Variants in RAB2A observed in about 807,000 individuals in gnomAD.
RAB2A encodes RAB2A, member RAS oncogene family.
RAB2A carries 7 observed loss-of-function variants against 32.5 expected under a neutral mutation model. The ratio of observed to expected loss-of-function variants is 0.22; its 90% CI spans 0.12 to 0.40. RAB2A has a LOEUF of 0.40. RAB2A is among the 10% of genes least tolerant of loss of function. The probability of loss-of-function intolerance (pLI) is 1.00; values close to 1 mark genes in which losing one functional copy is unlikely to be tolerated. For synonymous variants in RAB2A, 79 were observed against 85.2 expected, an observed-to-expected ratio of 0.93 and a Z score of 0.40; for missense variants, 108 against 260.7, an observed-to-expected ratio of 0.41 and a Z score of 4.03.
At position 60,536,464 on chromosome 8, in the gene RAB2A, GTT is replaced by G. The variant is rs371767371; in HGVS notation, c.46+19214_46+19215del. ...GTTTGATATATACTATCATGAAAAA[GTT>G]TTCTCTTCAAGCAACTTTATTGAAA... On this transcript the variant is annotated intron_variant, in intron 1 of 7. Transcript: ENST00000262646. 2.2e-4 allele frequency among the ~76,000 whole-genome samples: 33 copies of G among 152,116 alleles called. No homozygotes were observed. The East Asian group carries it at 5.8e-3, about 27-fold the overall frequency.
intron 2 of RAB2A, among the ~76,000 whole-genome samples, chr8:60,559,733 C>T (rs1033705901): frequency 6.6e-6 from 1 of 152,126 alleles, no homozygotes; most frequent in African/African-American, 2.4e-5. Context: ...AATATGAAGA[C>T]GAGATAATTG....
At chr8:60,591,333 CTGTCTA>C (rs1252463117) in intron 5 of RAB2A, among the ~76,000 whole-genome samples, 3 of 146,784 alleles carry the variant, frequency 2.0e-5, no homozygotes, top group African/African-American at 7.4e-5. Flanking sequence ...CTCTCTCTCT[CTGTCTA>C]TATCAATTTT....
intron 6 of RAB2A, among the ~76,000 whole-genome samples, chr8:60,614,536 G>A (rs1403562374): frequency 1.3e-5 from 2 of 152,114 alleles, no homozygotes; most frequent in Admixed American, 6.5e-5. Flanking sequence ...TTACAGGTGC[G>A]AGCCTGGCCA....
intron 3 of RAB2A, among the ~76,000 whole-genome samples, chr8:60,580,049 T>C (rs1160210845): frequency 1.3e-5 from 2 of 148,424 alleles, no homozygotes; most frequent in African/African-American, 5.0e-5. Flanking sequence ...CAGGCTGGAG[T>C]GCAATGGCAT....
chr8:60,546,963 A>C (rs1478675404), intron 1 of RAB2A, among the ~76,000 whole-genome samples: 1 of 141,550 alleles, frequency 7.1e-6, no homozygotes, highest in Non-Finnish European at 1.5e-5. Flanking sequence ...TGGCAGGGTC[A>C]CAGGACAATA....
intron 1 of RAB2A, among the ~76,000 whole-genome samples, chr8:60,538,030 CCA>C (rs2130814934): frequency 6.6e-6 from 1 of 152,236 alleles, no homozygotes; most frequent in South Asian, 2.1e-4. Flanking sequence ...TAGCCGTTTT[CCA>C]CTATTAAGAT....
chr8:60,595,805 T>TATA (rs1207390174), intron 6 of RAB2A, among the ~76,000 whole-genome samples: 2 of 152,180 alleles, frequency 1.3e-5, no homozygotes, highest in African/African-American at 4.8e-5. Context: ...TCACAGAATA[T>TATA]ATACCAAGAT....
At chr8:60,566,554 T>C (rs997052899) in intron 2 of RAB2A, among the ~76,000 whole-genome samples, 25 of 152,232 alleles carry the variant, frequency 1.6e-4, no homozygotes, top group Admixed American at 1.6e-3. Flanking sequence ...AATATTCTTC[T>C]GTAACTATAA....
chr8:60,595,456 A>G (rs1401461999), intron 6 of RAB2A, among the ~76,000 whole-genome samples: 1 of 152,254 alleles, frequency 6.6e-6, no homozygotes, highest in East Asian at 1.9e-4. Flanking sequence ...GGATTAGCAG[A>G]GAGAATTTTA....
chr8:60,609,291 A>T (rs1804294172), intron 6 of RAB2A, among the ~76,000 whole-genome samples: 4 of 152,180 alleles, frequency 2.6e-5, no homozygotes. Flanking sequence ...CTCCTCTGGA[A>T]TGTGTTCCAT....
At chr8:60,522,909 G>C (rs758370111) in intron 1 of RAB2A, among the ~76,000 whole-genome samples, 1 of 151,904 alleles carries the variant, frequency 6.6e-6, no homozygotes, top group Admixed American at 6.6e-5. Context: ...TGATTGACTA[G>C]ATTTGAGGTG....
intron 2 of RAB2A, among the ~76,000 whole-genome samples, chr8:60,560,145 G>A (rs975854166): frequency 9.2e-5 from 14 of 152,018 alleles, no homozygotes; most frequent in African/African-American, 1.9e-4. Context: ...AGTGAGGTGC[G>A]GTGGTGCAAT....
chr8:60,604,683 GA>G (rs1393314772), intron 6 of RAB2A, among the ~76,000 whole-genome samples: 1 of 152,196 alleles, frequency 6.6e-6, no homozygotes, highest in Admixed American at 6.5e-5. Flanking sequence ...CTTGGAACTT[GA>G]ATGGTGATGA....
At chr8:60,592,156 CTTCTA>C in intron 6 of RAB2A, 187 bp downstream of exon 6, 1 of 383,884 alleles carries the variant, frequency 2.6e-6, no homozygotes, top group Non-Finnish European at 4.8e-6. Flanking sequence ...CATATTGAGC[CTTCTA>C]AAGCCTGAAT....
chr8:60,598,937 CAAA>C (rs56406651), intron 6 of RAB2A, among the ~76,000 whole-genome samples: 5,482 of 38,644 alleles, frequency 0.14, 9 homozygotes, highest in South Asian at 0.23. Flanking sequence ...TGCAGTAAAG[CAAA>C]AAAAAAAAAA....
intron 6 of RAB2A, among the ~76,000 whole-genome samples, chr8:60,617,301 A>G (rs570419877): frequency 6.6e-6 from 1 of 152,184 alleles, no homozygotes; most frequent in Non-Finnish European, 1.5e-5. Flanking sequence ...TTTAATGGCA[A>G]AGAAGTTGAG....
chr8:60,545,118 G>A (rs913201933), intron 1 of RAB2A, among the ~76,000 whole-genome samples: 1 of 152,064 alleles, frequency 6.6e-6, no homozygotes, highest in Admixed American at 6.5e-5. Context: ...TAATATTGAC[G>A]AATCCTGCAA....
rs369427326 is a variant in RAB2A, at chr8:60,549,635, G to A, written c.47-9217G>A. ...AAGGGGGAGGATGTGCACAGGCCTT[G>A]TTCTTGGTGCAGAATGAAAGCCATT... On this transcript the variant is annotated intron_variant, in intron 1 of 7. Coordinates refer to ENST00000262646, the MANE Select transcript of RAB2A (RefSeq NM_002865.3). 3.9e-5 allele frequency among the ~76,000 whole-genome samples: 6 copies of A among 152,214 alleles called. No homozygotes were observed. The East Asian group carries it at 9.7e-4, about 25-fold the overall frequency.
chr8:60,566,576 A>G (rs16926284), intron 2 of RAB2A, among the ~76,000 whole-genome samples: 22,580 of 151,932 alleles, frequency 0.15, 1,834 homozygotes, highest in East Asian at 0.26. Flanking sequence ...TTTGCATTCT[A>G]TTTGGTATGT....
Sources: allele counts gnomAD v4.1 joint callset (sites outside exome capture counted in the v4.1 genomes callset), GRCh38; gene constraint gnomAD v4.1.1; transcripts MANE v1.5; gene names NCBI Gene and HGNC (gene_info 2026-07-23, HGNC 2026-07-21).